SLC12A8: variants seen among roughly 807,000 people sequenced by gnomAD.
SLC12A8 encodes solute carrier family 12 member 8.
In SLC12A8, 69 loss-of-function variants were observed where a neutral mutation model predicts 75.6. The observed-to-expected ratio is 0.91, with a 90% CI of 0.75 to 1.11. The LOEUF is 1.11. Ranked by LOEUF, SLC12A8 falls within the 50% of genes most tolerant of loss-of-function variation. The pLI is 0.00. For missense variants in SLC12A8, 877 were observed against 896.7 expected (o/e 0.98, Z 0.28); for synonymous variants, 365 against 372.8 (o/e 0.98, Z 0.24).
chr3:125,177,750 C>T lies in SLC12A8; in HGVS notation c.615G>A (p.Leu205=). 1 of 1,613,622 alleles carries T rather than the reference C, an allele frequency of 6.2e-7. No individual in the cohort carries two copies. The highest frequency in any genetic ancestry group is 8.5e-7 in the Non-Finnish European group (1 of 1,179,600). Residue 205 remains leucine, a synonymous_variant, in exon 5 of 14, where the codon CTG becomes CTA. Transcript: ENST00000469902. Reference sequence around the variant, plus strand: ...GGACTCTGAAAGGCTTACCTGGGTCCAGGTGGGTGAAAGAACCCACCACAA... The same window carrying T: ...GGACTCTGAAAGGCTTACCTGGGTCTAGGTGGGTGAAAGAACCCACCACAA... ...LDFVVGSFTH[L]DPEHGFIGYS...
At chr3:125,210,748 G>C (rs1935320712) in intron 2 of SLC12A8, among the ~76,000 whole-genome samples, 1 of 152,050 alleles carries the variant, frequency 6.6e-6, no homozygotes, top group Non-Finnish European at 1.5e-5. Context: ...AAACACTTTA[G>C]TATGGTTTAT....
At chr3:125,123,370 G>T (rs1183177316) in intron 6 of SLC12A8, among the ~76,000 whole-genome samples, 1 of 31,542 alleles carries the variant, frequency 3.2e-5, no homozygotes, top group East Asian at 1.6e-3. Flanking sequence ...ATCCATCTCA[G>T]GAAAAAAAAA....
At chr3:125,123,767 A>G (rs1027695071) in intron 6 of SLC12A8, among the ~76,000 whole-genome samples, 2 of 152,162 alleles carry the variant, frequency 1.3e-5, no homozygotes, top group Admixed American at 6.5e-5. Context: ...AATTGTTACA[A>G]TTCAAGGTGA....
At chr3:125,156,764 G>A (rs1934060319) in intron 5 of SLC12A8, among the ~76,000 whole-genome samples, 1 of 152,148 alleles carries the variant, frequency 6.6e-6, no homozygotes, top group African/African-American at 2.4e-5. Context: ...CTGGACAATT[G>A]CAACCACGTT....
At chr3:125,201,702 G>GAAAAAAAAAAAAAAAAAA (rs141256499) in intron 2 of SLC12A8, among the ~76,000 whole-genome samples, 1 of 95,572 alleles carries the variant, frequency 1.0e-5, no homozygotes, top group Non-Finnish European at 2.2e-5. Flanking sequence ...AGCCATGATT[G>GAAAAAAAAAAAAAAAAAA]AAAAAAAAAA....
chr3:125,136,089 A>T (rs1933487568), intron 5 of SLC12A8, among the ~76,000 whole-genome samples: 1 of 152,210 alleles, frequency 6.6e-6, no homozygotes, highest in African/African-American at 2.4e-5. Flanking sequence ...ATATCTTTCA[A>T]TGAGCATGTA....
chr3:125,212,500 C>A (rs895187183), intron 1 of SLC12A8, among the ~76,000 whole-genome samples, 200 bp downstream of exon 1: 1 of 152,166 alleles, frequency 6.6e-6, no homozygotes, highest in African/African-American at 2.4e-5. Context: ...CTTGGCACCC[C>A]ACGCAGACGC....
At chr3:125,142,443 G>A (rs1463114123) in intron 5 of SLC12A8, among the ~76,000 whole-genome samples, 2 of 152,196 alleles carry the variant, frequency 1.3e-5, no homozygotes, top group Non-Finnish European at 2.9e-5. Flanking sequence ...ACTCAAGGAG[G>A]ATAGATTTGG....
intron 13 of SLC12A8, among the ~76,000 whole-genome samples, chr3:125,087,093 C>CTTTTTT (rs369422119): frequency 7.6e-6 from 1 of 131,262 alleles, no homozygotes; most frequent in Non-Finnish European, 1.6e-5. Context: ...ATGTATTTCA[C>CTTTTTT]TTTTTTTTTT....
At chr3:125,096,707 T>C (rs935396839) in intron 10 of SLC12A8, among the ~76,000 whole-genome samples, 1 of 152,226 alleles carries the variant, frequency 6.6e-6, no homozygotes, top group Admixed American at 6.5e-5. Flanking sequence ...TCCTTAATAA[T>C]TATGGATTAA....
chr3:125,150,177 C>G (rs533243709), intron 5 of SLC12A8, among the ~76,000 whole-genome samples: 10 of 152,164 alleles, frequency 6.6e-5, no homozygotes, highest in Non-Finnish European at 8.8e-5. Flanking sequence ...GCAAAAACAC[C>G]TCAATTGCCA....
intron 7 of SLC12A8, 163 bp from the exon 8 acceptor site, chr3:125,119,019 C>T: frequency 1.9e-6 from 1 of 531,296 alleles, no homozygotes; most frequent in Non-Finnish European, 3.4e-6. Flanking sequence ...ACTTTTTGTA[C>T]TATTTCTCTT....
At chr3:125,161,203 G>A (rs1027761942) in intron 5 of SLC12A8, among the ~76,000 whole-genome samples, 1 of 152,194 alleles carries the variant, frequency 6.6e-6, no homozygotes, top group Non-Finnish European at 1.5e-5. Flanking sequence ...ATTGGCAGGT[G>A]CCCAGTTAAT....
intron 6 of SLC12A8, among the ~76,000 whole-genome samples, chr3:125,135,255 G>A (rs72965825): frequency 1.5e-3 from 232 of 152,312 alleles, no homozygotes; most frequent in African/African-American, 5.3e-3. Flanking sequence ...GGGAAGTTTC[G>A]ATTCCAGGTA....
intron 3 of SLC12A8, among the ~76,000 whole-genome samples, chr3:125,188,139 T>G (rs999097524): frequency 1.3e-5 from 2 of 152,174 alleles, no homozygotes; most frequent in Non-Finnish European, 2.9e-5. Flanking sequence ...CTTGGTGTCC[T>G]CCCACAGTAA....
At chr3:125,132,153 G>C (rs1933375603) in intron 6 of SLC12A8, among the ~76,000 whole-genome samples, 1 of 152,220 alleles carries the variant, frequency 6.6e-6, no homozygotes, top group African/African-American at 2.4e-5. Context: ...CCTGGAGCTG[G>C]TGCAGAGCAT....
intron 2 of SLC12A8, among the ~76,000 whole-genome samples, chr3:125,195,938 T>C (rs188271755): frequency 1.6e-4 from 25 of 152,294 alleles, no homozygotes; most frequent in African/African-American, 5.1e-4. Context: ...CTAGGAAGTC[T>C]ACCTGGATTT....
At chr3:125,172,061 T>C (rs1579522021) in intron 5 of SLC12A8, among the ~76,000 whole-genome samples, 1 of 151,938 alleles carries the variant, frequency 6.6e-6, no homozygotes, top group Non-Finnish European at 1.5e-5. Flanking sequence ...ATCACCTGAG[T>C]TCAGGAGTTC....
At chr3:125,209,897 G>T (rs1044588971) in intron 2 of SLC12A8, among the ~76,000 whole-genome samples, 9 of 152,226 alleles carry the variant, frequency 5.9e-5, no homozygotes, top group African/African-American at 1.9e-4. Context: ...TGTGGAAAAA[G>T]AACTTAGGAG....
Sources: allele counts gnomAD v4.1 joint callset (sites outside exome capture counted in the v4.1 genomes callset), GRCh38; gene constraint gnomAD v4.1.1; transcripts MANE v1.5; gene names NCBI Gene and HGNC (gene_info 2026-07-23, HGNC 2026-07-21).